ZNF33B: variants seen among roughly 807,000 people sequenced by gnomAD.
The protein encoded by ZNF33B is zinc finger protein 11b (KOX 2).
In ZNF33B, 29 loss-of-function variants were observed where a neutral mutation model predicts 45.8. The observed-to-expected ratio is 0.63, with a 90% CI of 0.47 to 0.86. The LOEUF (loss-of-function observed/expected upper bound fraction) is 0.86, where lower values mean the gene tolerates loss of function less well. ZNF33B is among the 40% of genes least tolerant of loss of function. ZNF33B has a pLI of 0.00. For missense variants in ZNF33B, 831 were observed against 909.9 expected (o/e 0.91, Z 1.12); for synonymous variants, 305 against 307.8 (o/e 0.99, Z 0.10).
chr10:42,632,842 C>G (rs1046397393), intron 2 of ZNF33B: 6 of 208,222 alleles, frequency 2.9e-5, no homozygotes, highest in African/African-American at 1.4e-4. Context: ...GAAGAACACT[C>G]TATTACGTCC....
chr10:42,604,558 T>C (rs1381561712), intron 4 of ZNF33B, among the ~76,000 whole-genome samples: 1 of 152,102 alleles, frequency 6.6e-6, no homozygotes, highest in Non-Finnish European at 1.5e-5. Context: ...CAGAAAAGAA[T>C]ACAATGAAAA....
intron 2 of ZNF33B, among the ~76,000 whole-genome samples, chr10:42,635,239 C>CAA (rs71533034): frequency 6.0e-5 from 6 of 99,350 alleles, no homozygotes; most frequent in Admixed American, 1.1e-4. Context: ...AGACATTCTC[C>CAA]AAAAAAAAAA....
At position 42,589,925 on chromosome 10, in the gene ZNF33B, G is replaced by A. The variant is rs1564491529; in HGVS notation, c.*2688C>T. The A allele has an allele frequency of 6.6e-6, 1 of 152,190 alleles. No homozygotes were observed. Among genetic ancestry groups the A allele is most frequent in the Non-Finnish European group, 1.5e-5 (1 of 68,048 alleles). The allele number at this position is 152,190 out of a possible 1,614,324, so 9.4% of individuals were successfully genotyped here. ...AACATCAAGGATGATGCTAGATGTA[G>A]GGTTTTTTGTAGTAGTTCTTTATCA... On this transcript the variant is annotated 3_prime_UTR_variant, in exon 5 of 5. Coordinates refer to ENST00000359467, the MANE Select transcript of ZNF33B (RefSeq NM_006955.3).
Position 42,594,361 on chromosome 10 carries a change from TATTTTTCAAAACTTC to T in ZNF33B, c.574_588del (p.Glu192_Asn196del). 1 of 1,613,914 alleles carries T rather than the reference TATTTTTCAAAACTTC, an allele frequency of 6.2e-7. No individual in the cohort carries two copies. Among genetic ancestry groups the T allele is most frequent in the Non-Finnish European group, 8.5e-7 (1 of 1,179,872 alleles). On this transcript the variant is annotated inframe_deletion, in exon 5 of 5. Coordinates refer to ENST00000359467, the MANE Select transcript of ZNF33B (RefSeq NM_006955.3). ...TTCTCACGATGACTCAGAGTGTTCC[TATTTTTCAAAACTTC>T]ATTTTTCTCTCGAGTATGAGTTTCA...
chr10:42,598,518 A>G (rs946563557), intron 4 of ZNF33B, among the ~76,000 whole-genome samples: 3 of 152,216 alleles, frequency 2.0e-5, no homozygotes, highest in Non-Finnish European at 2.9e-5. Flanking sequence ...ACTTGCACAC[A>G]TAGTCCAGTG....
chr10:42,623,573 C>G (rs143809547), intron 4 of ZNF33B, among the ~76,000 whole-genome samples: 1 of 152,124 alleles, frequency 6.6e-6, no homozygotes, highest in Admixed American at 6.6e-5. Context: ...ATAAGGCAGA[C>G]ACAAAAGGCC....
intron 4 of ZNF33B, among the ~76,000 whole-genome samples, chr10:42,620,032 A>C (rs752615879): frequency 6.6e-6 from 1 of 152,092 alleles, no homozygotes; most frequent in Non-Finnish European, 1.5e-5. Context: ...CCTGGCCAAC[A>C]TGGCAAAACA....
At chr10:42,600,250 C>A (rs1427099950) in intron 4 of ZNF33B, among the ~76,000 whole-genome samples, 2 of 152,084 alleles carry the variant, frequency 1.3e-5, no homozygotes, top group Non-Finnish European at 2.9e-5. Context: ...TATATCTTTG[C>A]TCCTTTTCCA....
intron 4 of ZNF33B, among the ~76,000 whole-genome samples, chr10:42,595,755 G>A (rs1837374135): frequency 6.6e-6 from 1 of 152,130 alleles, no homozygotes; most frequent in Admixed American, 6.6e-5. Flanking sequence ...GCTGTGTAAG[G>A]ACACCAGAAG....
chr10:42,601,908 C>CTTT (rs34431290), intron 4 of ZNF33B, among the ~76,000 whole-genome samples: 111 of 75,300 alleles, frequency 1.5e-3, no homozygotes, highest in African/African-American at 5.1e-3. Flanking sequence ...ATGTGATATT[C>CTTT]TTTTTTTTTT....
At chr10:42,627,168 T>A (rs1838848330) in intron 4 of ZNF33B, among the ~76,000 whole-genome samples, 1 of 152,132 alleles carries the variant, frequency 6.6e-6, no homozygotes, top group African/African-American at 2.4e-5. Context: ...CACACCAGGC[T>A]AATTTTTGTA....
chr10:42,581,132 T>C (rs1589009494), intron 1 of ZNF33B, among the ~76,000 whole-genome samples: 1 of 152,010 alleles, frequency 6.6e-6, no homozygotes, highest in African/African-American at 2.4e-5. Context: ...TGAAGACGTA[T>C]TTCCTTTTCT....
chr10:42,607,484 G>C (rs1837911100), intron 4 of ZNF33B, among the ~76,000 whole-genome samples: 1 of 152,012 alleles, frequency 6.6e-6, no homozygotes, highest in Non-Finnish European at 1.5e-5. Flanking sequence ...ATCTCTATGT[G>C]ATATGTCTGG....
At chr10:42,617,888 C>A (rs980982033) in intron 4 of ZNF33B, among the ~76,000 whole-genome samples, 1 of 152,152 alleles carries the variant, frequency 6.6e-6, no homozygotes, top group Non-Finnish European at 1.5e-5. Context: ...TACATTTGGG[C>A]AAGCCAATAA....
downstream of ZNF33B, among the ~76,000 whole-genome samples, chr10:42,585,321 C>T (rs183924770): frequency 5.9e-5 from 9 of 152,312 alleles, no homozygotes; most frequent in African/African-American, 1.7e-4. Flanking sequence ...ATCGTCACAT[C>T]CTGGGCAGTC....
At chr10:42,635,144 G>T (rs1315145632) in intron 2 of ZNF33B, among the ~76,000 whole-genome samples, 20 of 151,848 alleles carry the variant, frequency 1.3e-4, no homozygotes, top group African/African-American at 4.4e-4. Flanking sequence ...GGGAGGCTTA[G>T]CCAGGAGAAT....
rs1837080503 is a variant in ZNF33B, at chr10:42,590,569, C to A, written c.*2044G>T. 1 of 152,000 alleles carries A rather than the reference C, an allele frequency of 6.6e-6. No homozygotes were observed. The highest frequency in any genetic ancestry group is 6.6e-5 in the Admixed American group (1 of 15,232). The allele number at this position is 152,000 out of a possible 1,614,324, so 9.4% of individuals were successfully genotyped here. On this transcript the variant is annotated 3_prime_UTR_variant, in exon 5 of 5. Transcript: ENST00000359467. ...CCGGCTAACTTTTTGTATTTTTAGC[C>A]ACCGCGCCTGGTCTTGGAAGGTTAT...
Position 42,591,336 on chromosome 10 carries a change from AG to A in ZNF33B, c.*1276del, listed in dbSNP as rs1344014922. 9 of 648,766 alleles carry A rather than the reference AG, an allele frequency of 1.4e-5. No individual in the cohort carries two copies. The highest frequency in any genetic ancestry group is 4.0e-5 in the African/African-American group (2 of 50,448). The allele number at this position is 648,766 out of a possible 1,614,324, so 40.2% of individuals were successfully genotyped here. A position where few individuals can be genotyped will look rare whatever the true frequency, so the allele number is the denominator to read the frequency against. On this transcript the variant is annotated 3_prime_UTR_variant, in exon 5 of 5. Coordinates refer to ENST00000359467, the MANE Select transcript of ZNF33B (RefSeq NM_006955.3). ...GCTGGAGTGTTCACATATGTACCCC[AG>A]GCAGTTCATGGCATGGGATGAGCCA...
intron 1 of ZNF33B, among the ~76,000 whole-genome samples, chr10:42,577,435 TAGTC>T: frequency 6.6e-6 from 1 of 152,298 alleles, no homozygotes. Flanking sequence ...CCTCCTCACT[TAGTC>T]AGCAAGTTCT....
Sources: allele counts gnomAD v4.1 joint callset (sites outside exome capture counted in the v4.1 genomes callset), GRCh38; gene constraint gnomAD v4.1.1; transcripts MANE v1.5; gene names NCBI Gene and HGNC (gene_info 2026-07-23, HGNC 2026-07-21).